The following AGBL5 variants were observed in gnomAD, a reference collection of about 807,000 sequenced individuals.
AGBL5 encodes AGBL carboxypeptidase 5.
Under a neutral mutation model 88.0 loss-of-function variants are expected in AGBL5, and 51 were observed. The ratio of observed to expected loss-of-function variants is 0.58; its 90% CI spans 0.46 to 0.73. AGBL5 has a LOEUF of 0.73. AGBL5 is among the 30% of genes least tolerant of loss of function. AGBL5 has a pLI of 0.00. For missense variants in AGBL5, 1,031 were observed against 1,162.2 expected (o/e 0.89, Z 1.64); for synonymous variants, 446 against 438.8 (o/e 1.02, Z -0.21).
chr2:27,056,591 T>G (rs1668443369), intron 7 of AGBL5, 32 bp from the exon 8 acceptor site: 4 of 1,570,378 alleles, frequency 2.5e-6, no homozygotes, highest in Non-Finnish European at 2.6e-6. Flanking sequence ...CTTCTGTCTC[T>G]CCTTCTGAGT....
rs1460426944 is a variant in AGBL5, at chr2:27,070,325, C to T, written c.*62C>T. On this transcript the variant is annotated 3_prime_UTR_variant, in exon 15 of 15. Coordinates refer to ENST00000360131, the MANE Select transcript of AGBL5 (RefSeq NM_021831.6). ...AGATGGGGTAACAGTGGGAAATATG[C>T]TAGTTCCCCTCCAGGCCGCTGATTC... is the stretch of plus-strand genomic sequence containing the variant. 4 of 1,524,968 alleles carry T rather than the reference C, an allele frequency of 2.6e-6. No individual in the cohort carries two copies. Among genetic ancestry groups the T allele is most frequent in the East Asian group, 2.3e-5 (1 of 44,316 alleles). The allele number at this position is 1,524,968 out of a possible 1,614,324, so 94.5% of individuals were successfully genotyped here. A position where few individuals can be genotyped will look rare whatever the true frequency, so the allele number is the denominator to read the frequency against.
intron 6 of AGBL5, 192 bp downstream of exon 6, chr2:27,055,445 G>T (rs1668379061): frequency 1.9e-5 from 17 of 896,246 alleles, no homozygotes; most frequent in Non-Finnish European, 2.8e-5. Flanking sequence ...AACCAAACTA[G>T]GATGACTGCA....
rs778861966 is a variant in AGBL5, at chr2:27,068,719, T to G, written c.2330T>G (p.Met777Arg). 2 of 1,614,184 alleles carry G rather than the reference T, an allele frequency of 1.2e-6. No individual in the cohort carries two copies. The highest frequency in any genetic ancestry group is 8.5e-7 in the Non-Finnish European group (1 of 1,180,028). The change falls in exon 13 of 15, where the codon ATG (methionine) becomes AGG (arginine). Residue 777 changes from methionine (M) to arginine (R), a missense_variant. Coordinates refer to ENST00000360131, the MANE Select transcript of AGBL5 (RefSeq NM_021831.6). ...GKGLLGTGARMPCIKTRLQAR... is the reference protein window; with the variant it reads ...GKGLLGTGARRPCIKTRLQAR... ...GGTCTGCTAGGGACTGGAGCTCGGATGCCCTGCATCAAGACTCGATTGCAG... is the reference window on the plus strand; with the variant it reads ...GGTCTGCTAGGGACTGGAGCTCGGAGGCCCTGCATCAAGACTCGATTGCAG...
intron 11 of AGBL5, among the ~76,000 whole-genome samples, chr2:27,066,427 G>A (rs949676230): frequency 6.6e-6 from 1 of 152,022 alleles, no homozygotes; most frequent in East Asian, 1.9e-4. Flanking sequence ...GACTTTCTTG[G>A]GAAAAAAATC....
At chr2:27,068,925 C>T (rs1008038780) in intron 13 of AGBL5, 181 bp downstream of exon 13, 2 of 1,495,546 alleles carry the variant, frequency 1.3e-6, no homozygotes, top group South Asian at 2.6e-5. Context: ...CCTCCACCAT[C>T]CCCATCAGCC....
chr2:27,053,342 C>G lies in AGBL5; in HGVS notation c.216-60C>G. On this transcript the variant is annotated intron_variant, in intron 2 of 14. Transcript: ENST00000360131. The surrounding 1 kb of genome is among the most constrained non-coding windows in gnomAD (Gnocchi z 4.9). ...CCAGTTTGGCTGGCTCCGGCTCTCC[C>G]ACAGACCATATCTCCAACCCTTCCA... The G allele has an allele frequency of 6.3e-7, 1 of 1,580,168 alleles. No individual in the cohort carries two copies.
Position 27,059,221 on chromosome 2 carries a change from T to C in AGBL5, c.1906T>C (p.Leu636=), listed in dbSNP as rs777981614. The C allele has an allele frequency of 2.6e-5, 42 of 1,613,832 alleles. No individual in the cohort carries two copies. Among genetic ancestry groups the C allele is most frequent in the Non-Finnish European group, 3.1e-5 (36 of 1,179,996 alleles). ...GCCTGTCTCCTGCTCCGAAAACACC[T>C]TGAGTCGGGCACGAAGTTTTAGCAC... ...GLPVSCSENT[L]SRARSFSTGT... Residue 636 remains leucine, a synonymous_variant, in exon 11 of 15, where the codon TTG becomes CTG. Transcript: ENST00000360131.
Position 27,055,153 on chromosome 2 carries a change from C to G in AGBL5, c.808C>G (p.Leu270Val), listed in dbSNP as rs766222932. The part of the protein sequence containing the change: ...FVFNGFLDFI[L>V]RPDDPRAQTL... ...CTTCAATGGCTTTCTGGACTTCATC[C>G]TCCGACCTGATGATCCCCGGGCCCA... The change falls in exon 6 of 15, where the codon CTC (leucine) becomes GTC (valine). Residue 270 changes from leucine (L) to valine (V), a missense_variant. By Grantham distance (32) the Leu-to-Val change is conservative. Around this residue, in one of 2 missense-constraint regions of AGBL5, gnomAD observed 540 missense variants for 678.2 expected, o/e 0.80. Coordinates refer to ENST00000360131, the MANE Select transcript of AGBL5 (RefSeq NM_021831.6). 5.0e-6 allele frequency: 8 copies of G among 1,614,232 alleles called. No homozygotes were observed. The East Asian group carries it at 1.8e-4, about 36-fold the overall frequency.
In AGBL5 at chr2:27,063,526, C is replaced by T. The variant is rs771820058; in HGVS notation, c.2090-3968C>T. ...AGGAGAATGGCGTGAACCCAGGAGG[C>T]GGAGCTGGCAGTGAGCCCAGATCGC... On this transcript the variant is annotated intron_variant, in intron 11 of 14. Transcript: ENST00000360131. Among the ~76,000 whole-genome samples the T allele has an allele frequency of 3.3e-5, 5 of 149,690 alleles. No homozygotes were observed. The East Asian group carries it at 6.0e-4, about 18-fold the overall frequency.
At chr2:27,056,306 GA>G in intron 7 of AGBL5, 168 bp downstream of exon 7, 1 of 674,624 alleles carries the variant, frequency 1.5e-6, no homozygotes, top group East Asian at 2.7e-5. Flanking sequence ...GGCACAGGGG[GA>G]TAATGTCTCA....
rs759378963 is a variant in AGBL5 at position 27,055,155 on chromosome 2, C to T, written c.810C>T (p.Leu270=). 6.2e-7 allele frequency: 1 copy of T among 1,614,224 alleles called. No homozygotes were observed. The highest frequency in any genetic ancestry group is 8.5e-7 in the Non-Finnish European group (1 of 1,180,024). ...TCAATGGCTTTCTGGACTTCATCCTCCGACCTGATGATCCCCGGGCCCAAA... is the reference window on the plus strand; with the variant it reads ...TCAATGGCTTTCTGGACTTCATCCTTCGACCTGATGATCCCCGGGCCCAAA... The part of the protein sequence containing the change: ...FVFNGFLDFI[L]RPDDPRAQTL... Residue 270 remains leucine, a synonymous_variant, in exon 6 of 15, where the codon CTC becomes CTT. Coordinates refer to ENST00000360131, the MANE Select transcript of AGBL5 (RefSeq NM_021831.6).
rs1426311632 is a variant in AGBL5 at position 27,056,024 on chromosome 2, T to C, written c.1251T>C (p.Pro417=). The change falls in exon 7 of 15, where the codon CCT becomes CCC. Residue 417 remains proline (P), a synonymous_variant. Transcript: ENST00000360131. The part of the protein sequence containing the change: ...QQSAGLEESA[P]DTIPPKESGV... ...CTGCGGGGCTTGAAGAGTCAGCCCC[T>C]GATACCATCCCCCCCAAAGAGAGTG... 6.2e-7 allele frequency: 1 copy of C among 1,614,206 alleles called. No homozygotes were observed. The highest frequency in any genetic ancestry group is 8.5e-7 in the Non-Finnish European group (1 of 1,180,018).
intron 10 of AGBL5, 25 bp from the exon 11 acceptor site, chr2:27,059,165 T>C (rs1472089820): frequency 1.2e-6 from 2 of 1,606,550 alleles, no homozygotes. Flanking sequence ...CTGGCCCGGG[T>C]TAACTGGCAT....
In AGBL5 at chr2:27,057,407, C is replaced by T; in HGVS notation, c.1640C>T (p.Pro547Leu). ...AGCCCCCCTCCCCCGCCGGCTTTCC[C>T]CTCCAGATACACTGTGGAACTATTT... Reference protein sequence around the residue: ...RASPPPPPAFPSRYTVELFEQ... With the variant: ...RASPPPPPAFLSRYTVELFEQ... Residue 547 changes from proline (P) to leucine (L), a missense_variant, in exon 9 of 15, where the codon CCC becomes CTC. Pro to Leu is a moderately conservative substitution (Grantham distance 98, BLOSUM62 -3). Around this residue, in one of 2 missense-constraint regions of AGBL5, gnomAD observed 491 missense variants for 484.0 expected, o/e 1.01. Transcript: ENST00000360131. The T allele has an allele frequency of 6.2e-7, 1 of 1,613,654 alleles. No individual in the cohort carries two copies. Among genetic ancestry groups the T allele is most frequent in the South Asian group, 1.1e-5 (1 of 90,936 alleles).
chr2:27,065,611 GAGT>G (rs950683523), intron 11 of AGBL5, among the ~76,000 whole-genome samples: 1 of 152,196 alleles, frequency 6.6e-6, no homozygotes, highest in African/African-American at 2.4e-5. Flanking sequence ...TATGTTTATT[GAGT>G]AGTATGTGCC....
upstream of AGBL5, chr2:27,051,292 C>G (rs1052598260): frequency 1.3e-5 from 2 of 152,248 alleles, no homozygotes; most frequent in Non-Finnish European, 2.9e-5. Context: ...CTCCACTCAG[C>G]TTTTGCGTCC....
chr2:27,061,392 A>G (rs745771794), intron 11 of AGBL5, among the ~76,000 whole-genome samples: 2 of 151,952 alleles, frequency 1.3e-5, no homozygotes, highest in Non-Finnish European at 2.9e-5. Flanking sequence ...AAACGCCACC[A>G]CGTCTGGCTA....
chr2:27,062,231 A>G (rs893385957), intron 11 of AGBL5, among the ~76,000 whole-genome samples: 43 of 144,610 alleles, frequency 3.0e-4, no homozygotes, highest in Non-Finnish European at 5.8e-4. Context: ...TCAAGTGATT[A>G]TCCTGCTTCA....
chr2:27,059,446 C>A (rs1058815), intron 11 of AGBL5, 42 bp downstream of exon 11: 1 of 1,610,762 alleles, frequency 6.2e-7, no homozygotes, highest in Non-Finnish European at 8.5e-7. Context: ...GTTCGGTTGT[C>A]TGGGGCATTG....
Sources: gnomAD v4.1 joint callset for allele counts (sites outside exome capture counted in the v4.1 genomes callset) on GRCh38, gnomAD v4.1.1 for gene constraint, gnomAD v4.1.1 regional missense constraint, Gnocchi (gnomAD v3.1) non-coding constraint, MANE v1.5 for transcripts, NCBI Gene and HGNC (gene_info 2026-07-23, HGNC 2026-07-21) for gene names.